SMARCA2: variants seen among roughly 807,000 people sequenced by gnomAD.
SMARCA2 encodes the protein SWI/SNF-related matrix-associated actin-dependent regulator of chromatin subfamily A member 2.
SMARCA2 carries 61 observed loss-of-function variants against 199.8 expected under a neutral mutation model. The observed-to-expected ratio is 0.31, with a 90% CI of 0.25 to 0.38. The LOEUF is 0.38. Ranked by LOEUF, SMARCA2 falls within the 10% of genes least tolerant of loss-of-function variation. SMARCA2 has a pLI of 1.00. For synonymous variants in SMARCA2, 935 were observed against 732.0 expected (o/e 1.28, Z -4.48); for missense variants, 1,344 against 2,012.2 (o/e 0.67, Z 6.35).
intron 18 of SMARCA2, among the ~76,000 whole-genome samples, chr9:2,087,727 A>G (rs1412928073): frequency 6.6e-6 from 1 of 152,206 alleles, no homozygotes; most frequent in Non-Finnish European, 1.5e-5. Context: ...TGTCATTTTC[A>G]TAGTGGTTCC....
chr9:2,041,752 G>A (rs1819614516), intron 4 of SMARCA2: 1 of 207,230 alleles, frequency 4.8e-6, no homozygotes, highest in South Asian at 1.9e-4. Flanking sequence ...AAGAAACTAT[G>A]CAGAAAATGG....
In SMARCA2 at chr9:2,191,189, G is replaced by T. The variant is rs10965149; in HGVS notation, c.4595-77G>T. ...GGGATGTTTGTGTTGTCTGTAGGTT[G>T]GTGATAGTCTTACCACCTATACAAA... On this transcript the variant is annotated intron_variant, in intron 32 of 33. Coordinates refer to ENST00000349721, the MANE Select transcript of SMARCA2 (RefSeq NM_003070.5). The T allele has an allele frequency of 0.13, 182,985 of 1,357,486 alleles. 14,750 individuals carry two copies. The highest frequency in any genetic ancestry group is 0.27 in the African/African-American group (18,682 of 69,206). 84.1% of individuals were successfully genotyped at this position (1,357,486 alleles called of 1,614,324 possible).
At chr9:2,077,885 C>A in intron 14 of SMARCA2, 109 bp downstream of exon 14, 1 of 964,898 alleles carries the variant, frequency 1.0e-6, no homozygotes, top group Non-Finnish European at 1.6e-6. Flanking sequence ...TATTTTAGGC[C>A]ACATCACTTA....
At chr9:2,026,563 T>C (rs1013449105) in intron 1 of SMARCA2, among the ~76,000 whole-genome samples, 3 of 152,254 alleles carry the variant, frequency 2.0e-5, no homozygotes, top group African/African-American at 7.2e-5. Context: ...TCATGTTTAA[T>C]ATACATCAAT....
intron 29 of SMARCA2, among the ~76,000 whole-genome samples, chr9:2,173,980 T>G (rs1198919724): frequency 6.6e-6 from 1 of 152,184 alleles, no homozygotes; most frequent in Non-Finnish European, 1.5e-5. Flanking sequence ...ATTGATACTT[T>G]AAATGTTTGC....
intron 1 of SMARCA2, among the ~76,000 whole-genome samples, chr9:2,022,451 A>G (rs919302892): frequency 1.3e-5 from 2 of 152,266 alleles, no homozygotes; most frequent in African/African-American, 2.4e-5. Flanking sequence ...TAGTAACATC[A>G]TTAATGGCTA....
intron 3 of SMARCA2, among the ~76,000 whole-genome samples, chr9:2,036,204 TTGTA>T (rs1437343500): frequency 5.4e-5 from 8 of 148,922 alleles, no homozygotes; most frequent in South Asian, 2.1e-4. Context: ...GTGTGTGTGT[TTGTA>T]TGTGTGCGTG....
intron 1 of SMARCA2, among the ~76,000 whole-genome samples, chr9:2,015,809 AC>A: frequency 6.6e-6 from 1 of 152,176 alleles, no homozygotes; most frequent in Non-Finnish European, 1.5e-5. Context: ...CAAGGTTGCA[AC>A]ACACACATTG....
intron 18 of SMARCA2, among the ~76,000 whole-genome samples, chr9:2,088,253 TG>T (rs1242297998): frequency 6.6e-6 from 1 of 152,224 alleles, no homozygotes; most frequent in Admixed American, 6.5e-5. Flanking sequence ...AAAAAACTGG[TG>T]GCTTCCGGGC....
intron 11 of SMARCA2, 80 bp from the exon 12 acceptor site, chr9:2,073,486 G>A: frequency 6.9e-7 from 1 of 1,443,616 alleles, no homozygotes; most frequent in Non-Finnish European, 9.6e-7. Flanking sequence ...CATAGAATGT[G>A]CTATTAAGTC....
chr9:2,031,526 T>C (rs1819070402), intron 2 of SMARCA2, among the ~76,000 whole-genome samples: 1 of 152,236 alleles, frequency 6.6e-6, no homozygotes, highest in Non-Finnish European at 1.5e-5. Flanking sequence ...AAAAATTCAA[T>C]GTGTGAGTGT....
At chr9:2,167,162 C>T (rs1208421777) in intron 28 of SMARCA2, among the ~76,000 whole-genome samples, 2 of 152,210 alleles carry the variant, frequency 1.3e-5, no homozygotes, top group Non-Finnish European at 2.9e-5. Flanking sequence ...TTAGCAGAAG[C>T]AATCTACATG....
chr9:2,157,300 G>T (rs1825417865), intron 27 of SMARCA2, among the ~76,000 whole-genome samples: 1 of 152,162 alleles, frequency 6.6e-6, no homozygotes, highest in South Asian at 2.1e-4. Context: ...GGTTTAGCCT[G>T]TCTGAATTTT....
chr9:2,144,360 G>A (rs970322061), intron 27 of SMARCA2, among the ~76,000 whole-genome samples: 13 of 152,136 alleles, frequency 8.5e-5, no homozygotes, highest in Admixed American at 4.6e-4. Flanking sequence ...GAGCAAGTCC[G>A]TTCTTGTGTC....
At chr9:2,146,663 C>T (rs968108476) in intron 27 of SMARCA2, among the ~76,000 whole-genome samples, 3 of 152,204 alleles carry the variant, frequency 2.0e-5, no homozygotes, top group Non-Finnish European at 2.9e-5. Context: ...AGAGCAGCTT[C>T]GAGGGCTGCT....
At chr9:2,184,233 T>A (rs1827263824) in intron 31 of SMARCA2, among the ~76,000 whole-genome samples, 1 of 152,186 alleles carries the variant, frequency 6.6e-6, no homozygotes, top group Non-Finnish European at 1.5e-5. Context: ...CCCAGTTACA[T>A]TTCTTTTACT....
At chr9:2,178,104 A>G (rs910723079) in intron 29 of SMARCA2, among the ~76,000 whole-genome samples, 3 of 152,124 alleles carry the variant, frequency 2.0e-5, no homozygotes, top group Admixed American at 6.5e-5. Flanking sequence ...AAGGAGTTCA[A>G]ACTACCACTT....
At chr9:2,129,648 C>T (rs754570951) in intron 27 of SMARCA2, among the ~76,000 whole-genome samples, 1 of 152,168 alleles carries the variant, frequency 6.6e-6, no homozygotes, top group Admixed American at 6.5e-5. Context: ...AACTCATTCC[C>T]CAGCCTCTCT....
At chr9:2,142,729 A>G (rs556796270) in intron 27 of SMARCA2, among the ~76,000 whole-genome samples, 1 of 152,326 alleles carries the variant, frequency 6.6e-6, no homozygotes, top group Admixed American at 6.5e-5. Context: ...ACTGAGAACA[A>G]AGATCTTCAT....
Sources: gnomAD v4.1 joint callset for allele counts (sites outside exome capture counted in the v4.1 genomes callset) on GRCh38, gnomAD v4.1.1 for gene constraint, MANE v1.5 for transcripts, NCBI Gene and HGNC (gene_info 2026-07-23, HGNC 2026-07-21) for gene names.